Variants in ATP11B observed in about 807,000 individuals in gnomAD.
ATP11B encodes ATPase phospholipid transporting 11B (putative), also known as phospholipid-transporting ATPase IF.
ATP11B carries 81 observed loss-of-function variants against 157.8 expected under a neutral mutation model. The observed-to-expected ratio is 0.51, with a 90% confidence interval of 0.43 to 0.62. The LOEUF (loss-of-function observed/expected upper bound fraction) is 0.62. ATP11B is among the 20% of genes least tolerant of loss of function. The probability of loss-of-function intolerance (pLI) is 0.00; values close to 1 mark genes in which losing one functional copy is unlikely to be tolerated. For missense variants in ATP11B, 1,165 were observed against 1,402.2 expected (o/e 0.83, Z 2.70); for synonymous variants, 451 against 469.4 (o/e 0.96, Z 0.51).
rs140648205 is a variant in ATP11B at position 182,882,122 on chromosome 3, C to G, written c.2509+1141C>G. ...ATAAAATTTGAGAGTTAAGCTAATTCCTGTTCTGGAATAGTCTCTATAATG... is the reference window on the plus strand; with the variant it reads ...ATAAAATTTGAGAGTTAAGCTAATTGCTGTTCTGGAATAGTCTCTATAATG... On this transcript the variant is annotated intron_variant, in intron 21 of 29. Transcript: ENST00000323116. Among the ~76,000 whole-genome samples the G allele has an allele frequency of 5.9e-3, 903 of 152,104 alleles. 4 individuals are homozygous for G. The highest frequency in any genetic ancestry group is 0.028 in the South Asian group (133 of 4,810).
intron 2 of ATP11B, among the ~76,000 whole-genome samples, chr3:182,827,001 G>C (rs1381326922): frequency 6.6e-6 from 1 of 152,106 alleles, no homozygotes; most frequent in Admixed American, 6.5e-5. Context: ...AAAACCCGTT[G>C]TCAACCATAT....
intron 1 of ATP11B, among the ~76,000 whole-genome samples, chr3:182,799,768 C>A (rs1012779565): frequency 6.6e-6 from 1 of 151,854 alleles, no homozygotes; most frequent in African/African-American, 2.4e-5. Flanking sequence ...CTCAGATATT[C>A]TTTATTTTGC....
chr3:182,884,249 AATTT>A (rs1325554116), intron 21 of ATP11B, among the ~76,000 whole-genome samples: 3 of 152,208 alleles, frequency 2.0e-5, no homozygotes, highest in South Asian at 2.1e-4. Context: ...TATTTTTAAA[AATTT>A]ATTTATTTTA....
chr3:182,833,985 A>G (rs1718354015), intron 4 of ATP11B: 1 of 152,230 alleles, frequency 6.6e-6, no homozygotes, highest in Non-Finnish European at 1.5e-5. Flanking sequence ...AAGCATTGAG[A>G]ATCACTGAAG....
chr3:182,888,103 G>A (rs887424945), intron 24 of ATP11B, among the ~76,000 whole-genome samples: 1 of 152,152 alleles, frequency 6.6e-6, no homozygotes, highest in Non-Finnish European at 1.5e-5. Context: ...CCAGAGGTGA[G>A]GACATTAATT....
At chr3:182,904,183 G>C (rs1478611311) in intron 28 of ATP11B, among the ~76,000 whole-genome samples, 6 of 152,280 alleles carry the variant, frequency 3.9e-5, no homozygotes, top group Admixed American at 3.9e-4. Flanking sequence ...ACTCCCAGTG[G>C]GTCCTAACCA....
intron 25 of ATP11B, 137 bp from the exon 26 acceptor site, chr3:182,896,563 T>G: frequency 2.9e-6 from 2 of 680,740 alleles, no homozygotes; most frequent in South Asian, 3.7e-5. Flanking sequence ...CTTTTAACTT[T>G]ATGAGTATAG....
At chr3:182,833,568 A>T (rs1718316070) in intron 4 of ATP11B, 1 of 151,994 alleles carries the variant, frequency 6.6e-6, no homozygotes, top group Admixed American at 6.6e-5. Flanking sequence ...GGCTCAAGCG[A>T]TTCTCTCCCT....
rs575502858 is a variant in ATP11B at position 182,888,012 on chromosome 3, T to C, written c.2843+299T>C. 1.2e-4 allele frequency among the ~76,000 whole-genome samples: 18 copies of C among 152,318 alleles called. No individual in the cohort carries two copies. The South Asian group carries it at 3.3e-3, about 28-fold the overall frequency. ...TATTTCGTGTGCACAAAAGAAGTTA[T>C]TCATAATTGGTAGTCTCTAGAATTC... On this transcript the variant is annotated intron_variant, in intron 24 of 29. Transcript: ENST00000323116.
At chr3:182,871,930 C>T (rs1259953995) in intron 17 of ATP11B, among the ~76,000 whole-genome samples, 1 of 152,112 alleles carries the variant, frequency 6.6e-6, no homozygotes, top group Non-Finnish European at 1.5e-5. Flanking sequence ...ATTCTCCTGC[C>T]TCAGCTTCCT....
At chr3:182,827,622 A>G (rs1272565254) in intron 2 of ATP11B, among the ~76,000 whole-genome samples, 1 of 151,822 alleles carries the variant, frequency 6.6e-6, no homozygotes, top group African/African-American at 2.4e-5. Flanking sequence ...TCACTTATCT[A>G]AAGCATTTCT....
intron 28 of ATP11B, chr3:182,902,537 G>A (rs1316772513): frequency 4.7e-6 from 6 of 1,289,296 alleles, no homozygotes; most frequent in South Asian, 2.5e-5. Flanking sequence ...AGCCATTGTC[G>A]AGGGCAAGGA....
rs139442760 is a variant in ATP11B, at chr3:182,914,356, AT to A, written c.3452+369del. 8.2e-3 allele frequency: 8,013 copies of A among 980,532 alleles called. 454 individuals carry two copies. In the African/African-American group the frequency reaches 0.12, roughly 15 times the overall value. The allele number at this position is 980,532 out of a possible 1,614,324, so 60.7% of individuals were successfully genotyped here. A position where few individuals can be genotyped will look rare whatever the true frequency, so the allele number is the denominator to read the frequency against. ...ACTATTTCCTTTTTATTTTTTTAAA[AT>A]TTTTTTGCTTTTTGTCTTTACAAAA... On this transcript the variant is annotated intron_variant, in intron 29 of 29. Coordinates refer to ENST00000323116, the MANE Select transcript of ATP11B (RefSeq NM_014616.3).
chr3:182,843,735 A>G (rs1231990930), intron 8 of ATP11B: 1 of 152,182 alleles, frequency 6.6e-6, no homozygotes, highest in Non-Finnish European at 1.5e-5. Context: ...ATCGCATTTG[A>G]CATTCTACCT....
At chr3:182,867,578 ACT>A in intron 15 of ATP11B, 134 bp downstream of exon 15, 8 of 232,990 alleles carry the variant, frequency 3.4e-5, no homozygotes, top group South Asian at 1.1e-4. Context: ...AAGTCACATT[ACT>A]TTTTTTTTTT....
intron 26 of ATP11B, among the ~76,000 whole-genome samples, chr3:182,897,081 T>G (rs966571401): frequency 6.6e-6 from 1 of 152,152 alleles, no homozygotes; most frequent in African/African-American, 2.4e-5. Flanking sequence ...ACATGAAATT[T>G]GAATGCTGTT....
At chr3:182,851,625 C>T (rs1719985447) in intron 10 of ATP11B, among the ~76,000 whole-genome samples, 1 of 152,122 alleles carries the variant, frequency 6.6e-6, no homozygotes, top group Non-Finnish European at 1.5e-5. Context: ...CATATTCTGA[C>T]CTCTAGAGCT....
intron 1 of ATP11B, among the ~76,000 whole-genome samples, chr3:182,809,406 G>A (rs560459051): frequency 1.1e-3 from 167 of 152,088 alleles, no homozygotes; most frequent in Middle Eastern, 3.4e-3. Flanking sequence ...GCTCCACCAC[G>A]CCTGGCTAAT....
chr3:182,850,590 G>A (rs1399367324), intron 10 of ATP11B, among the ~76,000 whole-genome samples: 1 of 152,184 alleles, frequency 6.6e-6, no homozygotes, highest in Non-Finnish European at 1.5e-5. Flanking sequence ...AATAACAGAT[G>A]CTGGCAGGGA....
Sources: allele counts gnomAD v4.1 joint callset (sites outside exome capture counted in the v4.1 genomes callset), GRCh38; gene constraint gnomAD v4.1.1; transcripts MANE v1.5; gene names NCBI Gene and HGNC (gene_info 2026-07-23, HGNC 2026-07-21).